SLC35D1: variants seen among roughly 807,000 people sequenced by gnomAD.
SLC35D1 encodes solute carrier family 35 member D1.
Under a neutral mutation model 46.7 loss-of-function variants are expected in SLC35D1, and 31 were observed. The observed-to-expected ratio is 0.66, with a 90% confidence interval of 0.50 to 0.90. SLC35D1 has a LOEUF of 0.90. SLC35D1 is among the 40% of genes least tolerant of loss of function. The pLI is 0.00. For missense variants in SLC35D1, 397 were observed against 426.2 expected, an observed-to-expected ratio of 0.93 and a Z score of 0.60; for synonymous variants, 195 against 164.6, an observed-to-expected ratio of 1.18 and a Z score of -1.41.
chr1:66,997,521 T>A (rs866419290), downstream of SLC35D1, among the ~76,000 whole-genome samples: 75 of 113,032 alleles, frequency 6.6e-4, 1 homozygote, highest in South Asian at 2.3e-3. Flanking sequence ...AAAAAAAAAA[T>A]ATATATATAT....
intron 11 of SLC35D1, among the ~76,000 whole-genome samples, chr1:67,005,564 C>A (rs12071769): frequency 0.068 from 10,404 of 152,200 alleles, 1,146 homozygotes; most frequent in African/African-American, 0.24. Flanking sequence ...CTGCACCTCA[C>A]GGCACTTAAG....
At chr1:66,976,843 C>G in the SLC35D1 span, 2 of 780,332 alleles carry the variant, frequency 2.6e-6, no homozygotes, top group East Asian at 6.1e-5. Flanking sequence ...AACCAGAAGG[C>G]CGAGAGTGAT....
chr1:66,992,570 T>C, the SLC35D1 span, among the ~76,000 whole-genome samples: 1 of 152,230 alleles, frequency 6.6e-6, no homozygotes, highest in African/African-American at 2.4e-5. Context: ...CTGAGCTGCT[T>C]TGACAATGTC....
chr1:66,999,583 AAAG>A lies in SLC35D1; in HGVS notation c.*4754_*4756del, dbSNP rs762860798. 8 of 152,350 alleles carry A rather than the reference AAAG, an allele frequency of 5.3e-5. No individual in the cohort carries two copies. Among genetic ancestry groups the A allele is most frequent in the Non-Finnish European group, 8.8e-5 (6 of 68,040 alleles). The allele number at this position is 152,350 out of a possible 1,614,324, so 9.4% of individuals were successfully genotyped here. On this transcript the variant is annotated 3_prime_UTR_variant, in exon 12 of 12. Coordinates refer to ENST00000235345, the MANE Select transcript of SLC35D1 (RefSeq NM_015139.3). ...AAAATCAGTTGATCATCAGCATGAG[AAAG>A]AAAACATTTGTGAAAAAAATAATCT...
At chr1:66,977,213 G>A in the SLC35D1 span, among the ~76,000 whole-genome samples, 10 of 151,958 alleles carry the variant, frequency 6.6e-5, no homozygotes, top group African/African-American at 2.2e-4. Flanking sequence ...GGCTTCAAGC[G>A]ATTGTCCTGC....
chr1:67,054,141 C>A lies in SLC35D1; in HGVS notation c.-128G>T. On this transcript the variant is annotated 5_prime_UTR_variant, in exon 1 of 12. Transcript: ENST00000235345. Reference sequence around the variant, plus strand: ...CAGCTGCGCGCTCGCCGCCTCGACTCCCCGCTTGGCCGCCGCCTGTCCCCG... The same window carrying A: ...CAGCTGCGCGCTCGCCGCCTCGACTACCCGCTTGGCCGCCGCCTGTCCCCG... 2.3e-6 allele frequency: 2 copies of A among 868,234 alleles called. No individual in the cohort carries two copies. Among genetic ancestry groups the A allele is most frequent in the Non-Finnish European group, 3.4e-6 (2 of 584,420 alleles). 53.8% of individuals were successfully genotyped at this position (868,234 alleles called of 1,614,324 possible).
the SLC35D1 span, among the ~76,000 whole-genome samples, chr1:66,977,575 T>C: frequency 6.6e-6 from 1 of 152,326 alleles, no homozygotes; most frequent in Non-Finnish European, 1.5e-5. Flanking sequence ...TTATGTAAAA[T>C]GTCTGATATG....
At position 67,054,042 on chromosome 1, in the gene SLC35D1, C is replaced by A; in HGVS notation, c.-29G>T. The A allele has an allele frequency of 6.2e-7, 1 of 1,602,672 alleles. No individual in the cohort carries two copies. The highest frequency in any genetic ancestry group is 2.2e-5 in the East Asian group (1 of 44,508). On this transcript the variant is annotated 5_prime_UTR_variant, in exon 1 of 12. Transcript: ENST00000235345. ...TGCCGCAGCAGCGGTGGCCTGGCGGCGGGGCCTAGCGGCTCGGGGGCCTGC... is the reference window on the plus strand; with the variant it reads ...TGCCGCAGCAGCGGTGGCCTGGCGGAGGGGCCTAGCGGCTCGGGGGCCTGC...
downstream of SLC35D1, among the ~76,000 whole-genome samples, chr1:66,998,113 A>AAC (rs36098844): frequency 0.42 from 63,574 of 151,724 alleles, 15,471 homozygotes; most frequent in African/African-American, 0.67. Context: ...CATAATGGAA[A>AAC]AGTCTAGTGG....
chr1:67,041,451 T>C (rs1221453677), intron 8 of SLC35D1, among the ~76,000 whole-genome samples: 1 of 152,182 alleles, frequency 6.6e-6, no homozygotes, highest in Non-Finnish European at 1.5e-5. Context: ...CCCACAAACT[T>C]GTAAAAATCA....
intron 3 of SLC35D1, among the ~76,000 whole-genome samples, chr1:67,052,473 T>A (rs531099367): frequency 1.3e-5 from 2 of 152,236 alleles, no homozygotes; most frequent in East Asian, 3.9e-4. Context: ...GAATAATGAA[T>A]GCAGGATACA....
downstream of SLC35D1, chr1:66,999,315 A>G (rs1302294566): frequency 6.6e-6 from 1 of 152,370 alleles, no homozygotes; most frequent in Non-Finnish European, 1.5e-5. Flanking sequence ...CCTCTAAAAT[A>G]TGGGCAGACT....
rs951459671 is a variant in SLC35D1, at chr1:67,014,164, A to G, written c.877-4997T>C. Among the ~76,000 whole-genome samples the G allele has an allele frequency of 2.6e-5, 4 of 152,210 alleles. No individual in the cohort carries two copies. The South Asian group carries it at 6.2e-4, about 24-fold the overall frequency. Reference sequence around the variant, plus strand: ...ACTAAATTTTACAATGCCCCTCTAAATAAAATTAGTCCCCTTATAAAATCC... The same window carrying G: ...ACTAAATTTTACAATGCCCCTCTAAGTAAAATTAGTCCCCTTATAAAATCC... On this transcript the variant is annotated intron_variant, in intron 10 of 11. Transcript: ENST00000235345.
At position 67,047,355 on chromosome 1, in the gene SLC35D1, TG is replaced by T. The variant is rs773394019; in HGVS notation, c.545del (p.Ala182AspfsTer11). ...GAFVAASSDL[A>X]FDLEGYAFIL... ...TAAAAGCATATCCTTCCAGATCAAA[TG>T]CCAAGTCAGAGCTGCAAAACATAAG... On this transcript the variant is annotated frameshift_variant, in exon 7 of 12. Transcript: ENST00000235345. LOFTEE classifies it high-confidence loss of function. 6.2e-7 allele frequency: 1 copy of T among 1,613,048 alleles called. No homozygotes were observed. Among genetic ancestry groups the T allele is most frequent in the Non-Finnish European group, 8.5e-7 (1 of 1,179,824 alleles).
In SLC35D1 at chr1:67,021,604, T is replaced by A; in HGVS notation, c.730-2A>T. The stretch of plus-strand genomic sequence containing the variant: ...AGCCCAGCCTTCAAACTCCACAGCC[T>A]GCAACACACAAGAAAGCATTAAATT... On this transcript the variant is annotated splice_acceptor_variant, in intron 8 of 11. Coordinates refer to ENST00000235345, the MANE Select transcript of SLC35D1 (RefSeq NM_015139.3). LOFTEE classifies it high-confidence loss of function. 1.2e-6 allele frequency: 2 copies of A among 1,613,784 alleles called. No homozygotes were observed. Among genetic ancestry groups the A allele is most frequent in the Non-Finnish European group, 1.7e-6 (2 of 1,179,838 alleles).
At chr1:67,024,220 A>C (rs1323254710) in intron 8 of SLC35D1, among the ~76,000 whole-genome samples, 1 of 152,212 alleles carries the variant, frequency 6.6e-6, no homozygotes, top group Non-Finnish European at 1.5e-5. Flanking sequence ...TGCTGGGATT[A>C]CAGTCGTGAG....
chr1:67,029,587 T>C (rs1485326083), intron 8 of SLC35D1, among the ~76,000 whole-genome samples: 1 of 152,174 alleles, frequency 6.6e-6, no homozygotes, highest in Non-Finnish European at 1.5e-5. Flanking sequence ...TAAGCACAAA[T>C]ACTAGTGGCA....
the SLC35D1 span, among the ~76,000 whole-genome samples, chr1:66,990,767 C>CTT: frequency 3.9e-5 from 6 of 152,218 alleles, no homozygotes; most frequent in African/African-American, 1.2e-4. Flanking sequence ...GAGTGGTGGA[C>CTT]TTAGAGTGGC....
chr1:66,984,912 A>G, the SLC35D1 span: 15 of 1,560,722 alleles, frequency 9.6e-6, no homozygotes, highest in African/African-American at 1.4e-5. Context: ...TTTTAGACCT[A>G]TTTTACTTTC....
Sources: allele counts gnomAD v4.1 joint callset (sites outside exome capture counted in the v4.1 genomes callset), GRCh38; gene constraint gnomAD v4.1.1; transcripts MANE v1.5; gene names NCBI Gene and HGNC (gene_info 2026-07-23, HGNC 2026-07-21).